P2RY8: variants seen among roughly 807,000 people sequenced by gnomAD.
The protein encoded by P2RY8 is S-geranylgeranyl-glutathione receptor P2RY8.
P2RY8 carries 6 observed loss-of-function variants against 10.0 expected under a neutral mutation model. The ratio of observed to expected loss-of-function variants is 0.60; its 90% CI spans 0.33 to 1.19. The LOEUF (loss-of-function observed/expected upper bound fraction) is 1.19. Among genes scored for constraint, P2RY8 ranks in the 50% most tolerant of loss-of-function variants. The probability of loss-of-function intolerance (pLI) is 0.04; values close to 1 mark genes in which losing one functional copy is unlikely to be tolerated. For missense variants in P2RY8, 456 were observed against 542.0 expected (o/e 0.84, Z 1.58); for synonymous variants, 276 against 252.5 (o/e 1.09, Z -0.88).
intron 1 of P2RY8, among the ~76,000 whole-genome samples, chrX:1,481,218 G>C (rs1298712840): frequency 6.6e-6 from 1 of 151,904 alleles, no homozygotes; most frequent in African/African-American, 2.4e-5. Flanking sequence ...GTCCAGGCTG[G>C]AGTGCAATGG....
chrX:1,476,655 T>C (rs1245853273), intron 1 of P2RY8, among the ~76,000 whole-genome samples: 2 of 151,814 alleles, frequency 1.3e-5, no homozygotes, highest in African/African-American at 4.8e-5. Flanking sequence ...GGGTGGCTGA[T>C]GCCAGGTCTA....
At chrX:1,518,543 C>T (rs2092368473) in intron 1 of P2RY8, among the ~76,000 whole-genome samples, 1 of 151,436 alleles carries the variant, frequency 6.6e-6, no homozygotes, top group Non-Finnish European at 1.5e-5. Flanking sequence ...CCCTAGTCCC[C>T]CAAAACCTGT....
At chrX:1,470,146 G>A (rs1253976217) in intron 1 of P2RY8, among the ~76,000 whole-genome samples, 3 of 152,088 alleles carry the variant, frequency 2.0e-5, no homozygotes, top group Non-Finnish European at 2.9e-5. Context: ...ATCACCTGAG[G>A]TCAGGAGTTC....
At chrX:1,521,223 A>AT (rs2092388914) in intron 1 of P2RY8, among the ~76,000 whole-genome samples, 1 of 151,378 alleles carries the variant, frequency 6.6e-6, no homozygotes, top group Admixed American at 6.6e-5. Flanking sequence ...TAATTTTTGT[A>AT]TTTTAGTAGA....
At position 1,466,422 on chromosome X, in the gene P2RY8, C is replaced by A. The variant is rs1226077007; in HGVS notation, c.137G>T (p.Trp46Leu). 1 of 1,613,146 alleles carries A rather than the reference C, an allele frequency of 6.2e-7. No homozygotes were observed. The highest frequency in any genetic ancestry group is 1.3e-5 in the African/African-American group (1 of 74,898). Residue 46 changes from tryptophan (W) to leucine (L), a missense_variant, in exon 2 of 2, where the codon TGG (tryptophan) becomes TTG (leucine). Coordinates refer to ENST00000381297, the MANE Select transcript of P2RY8 (RefSeq NM_178129.5). ...VSIPGNLFSL[W>L]VLCRRMGPRS... ...GGGCCCCATGCGCCGGCACAGCACC[C>A]ACAGAGAGAAGAGGTTGCCCGGGAT... is the stretch of plus-strand genomic sequence containing the variant.
At chrX:1,536,767 T>G (rs2092530089) in intron 1 of P2RY8, among the ~76,000 whole-genome samples, 154 bp downstream of exon 1, 1 of 152,178 alleles carries the variant, frequency 6.6e-6, no homozygotes, top group Admixed American at 6.6e-5. Context: ...CCAGGAAATT[T>G]GCACTCCTGG....
chrX:1,482,202 T>C (rs2091942781), intron 1 of P2RY8, among the ~76,000 whole-genome samples: 1 of 113,486 alleles, frequency 8.8e-6, no homozygotes, highest in Non-Finnish European at 2.1e-5. Flanking sequence ...TGGGTGAGGA[T>C]GTCTCAACAG....
chrX:1,477,457 T>G (rs1385503884), intron 1 of P2RY8, among the ~76,000 whole-genome samples: 1 of 152,240 alleles, frequency 6.6e-6, no homozygotes, highest in East Asian at 1.9e-4. Context: ...ATCTTTCATC[T>G]ATTCATATCA....
chrX:1,502,527 C>T (rs1413711605), intron 1 of P2RY8, among the ~76,000 whole-genome samples: 6 of 152,184 alleles, frequency 3.9e-5, no homozygotes, highest in Admixed American at 6.5e-5. Flanking sequence ...CCACGTGAGC[C>T]GCCCCTGTCC....
chrX:1,493,545 C>T (rs751262501), intron 1 of P2RY8, among the ~76,000 whole-genome samples: 54 of 152,118 alleles, frequency 3.5e-4, no homozygotes, highest in African/African-American at 9.6e-4. Flanking sequence ...ACTCAGTCGA[C>T]GTGAACTATT....
At chrX:1,534,740 C>T (rs1213401891) in intron 1 of P2RY8, among the ~76,000 whole-genome samples, 1 of 152,118 alleles carries the variant, frequency 6.6e-6, no homozygotes, top group Non-Finnish European at 1.5e-5. Context: ...AAGGGCCTCT[C>T]CAAGCGCAGG....
At chrX:1,506,912 G>A (rs1302740514) in intron 1 of P2RY8, among the ~76,000 whole-genome samples, 19 of 151,744 alleles carry the variant, frequency 1.3e-4, no homozygotes, top group African/African-American at 7.3e-5. Context: ...TCCTGACCTC[G>A]TGATCCGCCC....
At chrX:1,523,131 GA>G (rs1448632857) in intron 1 of P2RY8, among the ~76,000 whole-genome samples, 1 of 147,164 alleles carries the variant, frequency 6.8e-6, no homozygotes, top group African/African-American at 2.5e-5. Flanking sequence ...AACAAAAATT[GA>G]AAAAAATAAA....
Position 1,466,031 on chromosome X carries a change from G to A in P2RY8, c.528C>T (p.Phe176=). The A allele has an allele frequency of 6.2e-7, 1 of 1,611,922 alleles. No individual in the cohort carries two copies. Among genetic ancestry groups the A allele is most frequent in the Non-Finnish European group, 8.5e-7 (1 of 1,179,764 alleles). Residue 176 remains phenylalanine, a synonymous_variant, in exon 2 of 2, where the codon TTC becomes TTT. Transcript: ENST00000381297. ...GGAGCATCGTCCACTTGAGGACGTC[G>A]AAGCAGGTGATGATGCCCAGGGCGT... ...PVHALGIITC[F]DVLKWTMLPS...
intron 1 of P2RY8, among the ~76,000 whole-genome samples, chrX:1,535,460 T>C (rs2092517165): frequency 6.6e-6 from 1 of 151,756 alleles, no homozygotes; most frequent in Non-Finnish European, 1.5e-5. Context: ...AGTGCTGGGA[T>C]TACAGGCGTC....
At position 1,463,170 on chromosome X, in the gene P2RY8, G is replaced by GT. The variant is rs1299067489; in HGVS notation, c.*2308dup. The stretch of plus-strand genomic sequence containing the variant: ...AGATGCTACTCTGAGGTTTTTCACA[G>GT]TTTTTTTTCCCCCATGAGACACACC... On this transcript the variant is annotated 3_prime_UTR_variant, in exon 2 of 2. Coordinates refer to ENST00000381297, the MANE Select transcript of P2RY8 (RefSeq NM_178129.5). The GT allele has an allele frequency of 5.6e-5, 13 of 232,996 alleles. No homozygotes were observed. Among genetic ancestry groups the GT allele is most frequent in the Admixed American group, 1.7e-4 (3 of 17,756 alleles). 14.4% of individuals were successfully genotyped at this position (232,996 alleles called of 1,614,324 possible). A position where few individuals can be genotyped will look rare whatever the true frequency, so the allele number is the denominator to read the frequency against.
chrX:1,524,525 CCATT>C (rs1461151419), intron 1 of P2RY8, among the ~76,000 whole-genome samples: 7 of 140,416 alleles, frequency 5.0e-5, no homozygotes, highest in South Asian at 2.4e-4. Context: ...ATCCATCCAT[CCATT>C]CATCCATCCA....
In P2RY8 at chrX:1,466,403, C is replaced by T. The variant is rs777312093; in HGVS notation, c.156G>A (p.Met52Ile). ...LFSLWVLCRR[M>I]GPRSPSVIFM... ...AGATGACCGACGGGGATCTGGGCCC[C>T]ATGCGCCGGCACAGCACCCACAGAG... The change falls in exon 2 of 2, where the codon ATG (methionine) becomes ATA (isoleucine). Residue 52 changes from methionine to isoleucine, a missense_variant. Physicochemically the swap from Met to Ile is conservative, Grantham distance 10. Coordinates refer to ENST00000381297, the MANE Select transcript of P2RY8 (RefSeq NM_178129.5). 9 of 1,613,388 alleles carry T rather than the reference C, an allele frequency of 5.6e-6. No individual in the cohort carries two copies. The highest frequency in any genetic ancestry group is 7.6e-6 in the Non-Finnish European group (9 of 1,179,854).
chrX:1,499,163 C>T (rs1409060201), intron 1 of P2RY8, among the ~76,000 whole-genome samples: 85 of 48,428 alleles, frequency 1.8e-3, no homozygotes, highest in Non-Finnish European at 8.7e-4. Context: ...TTTTTCTTTT[C>T]TTTTTTTTTT....
Sources: gnomAD v4.1 joint callset for allele counts (sites outside exome capture counted in the v4.1 genomes callset) on GRCh38, gnomAD v4.1.1 for gene constraint, MANE v1.5 for transcripts, NCBI Gene and HGNC (gene_info 2026-07-23, HGNC 2026-07-21) for gene names.